The following TADA2A variants were observed in gnomAD, a reference collection of about 807,000 sequenced individuals.
The protein encoded by TADA2A is transcriptional adaptor 2A, also known as transcriptional adapter 2-alpha.
A neutral mutation model predicts 67.4 loss-of-function variants in TADA2A; 38 were observed. The observed-to-expected ratio is 0.56, with a 90% confidence interval of 0.44 to 0.74. TADA2A has a LOEUF of 0.74. Among genes scored for constraint, TADA2A ranks in the 30% least tolerant of loss-of-function variants. The pLI is 0.00. For synonymous variants in TADA2A, 192 were observed against 181.6 expected, an observed-to-expected ratio of 1.06 and a Z score of -0.46; for missense variants, 454 against 547.0, an observed-to-expected ratio of 0.83 and a Z score of 1.70.
rs1323417503 is a variant in TADA2A, at chr17:37,427,156, C to T, written c.192+147C>T. ...TCTGAGTATCTTTACCTTTTCTCCC[C>T]TTCGGAAATAGGTAATTGTTATCCA... On this transcript the variant is annotated intron_variant, in intron 4 of 15. Coordinates refer to ENST00000615182, the MANE Select transcript of TADA2A (RefSeq NM_001166105.3). 5.2e-6 allele frequency: 3 copies of T among 578,340 alleles called. No individual in the cohort carries two copies. The African/African-American group carries it at 5.9e-5, about 11-fold the overall frequency. 35.8% of individuals were successfully genotyped at this position (578,340 alleles called of 1,614,324 possible).
chr17:37,429,675 G>A (rs2052514954), intron 4 of TADA2A, among the ~76,000 whole-genome samples: 1 of 152,142 alleles, frequency 6.6e-6, no homozygotes, highest in Admixed American at 6.5e-5. Flanking sequence ...GCATCTCTGA[G>A]CCTGACTATT....
rs1231349752 is a variant in TADA2A, at chr17:37,479,263, G to A, written c.*2281G>A. 6.6e-6 allele frequency: 1 copy of A among 152,304 alleles called. No homozygotes were observed. The highest frequency in any genetic ancestry group is 1.5e-5 in the Non-Finnish European group (1 of 68,052). 9.4% of individuals were successfully genotyped at this position (152,304 alleles called of 1,614,324 possible). A position where few individuals can be genotyped will look rare whatever the true frequency, so the allele number is the denominator to read the frequency against. On this transcript the variant is annotated 3_prime_UTR_variant, in exon 16 of 16. Transcript: ENST00000615182. ...ACAATGGTGCCAAGAGATTTATTTGGCTAGAACACAAGGGGCAGCTGGGTA... is the reference window on the plus strand; with the variant it reads ...ACAATGGTGCCAAGAGATTTATTTGACTAGAACACAAGGGGCAGCTGGGTA...
rs990401514 is a variant in TADA2A, at chr17:37,421,459, A to G, written c.26-2050A>G. Among the ~76,000 whole-genome samples the G allele has an allele frequency of 8.2e-5, 12 of 146,914 alleles. 3 individuals carry two copies. The highest frequency in any genetic ancestry group is 1.7e-4 in the Non-Finnish European group (11 of 65,800). Reference sequence around the variant, plus strand: ...CAAATATAAAATAGTATATTCCAAAATATGTATTTAGAAGAGACATGTATT... The same window carrying G: ...CAAATATAAAATAGTATATTCCAAAGTATGTATTTAGAAGAGACATGTATT... On this transcript the variant is annotated intron_variant, in intron 2 of 15. Coordinates refer to ENST00000615182, the MANE Select transcript of TADA2A (RefSeq NM_001166105.3).
intron 5 of TADA2A, 21 bp downstream of exon 5, chr17:37,437,850 GT>G (rs1180559721): frequency 2.9e-5 from 47 of 1,607,036 alleles, no homozygotes; most frequent in Non-Finnish European, 3.9e-5. Flanking sequence ...GGTGTTAAGA[GT>G]TGTCCTGCCC....
chr17:37,467,502 C>A lies in TADA2A; in HGVS notation c.872C>A (p.Thr291Lys). The A allele has an allele frequency of 6.2e-7, 1 of 1,613,910 alleles. No individual in the cohort carries two copies. The highest frequency in any genetic ancestry group is 8.5e-7 in the Non-Finnish European group (1 of 1,179,922). The change falls in exon 12 of 16, where the codon ACA (threonine) becomes AAA (lysine). Residue 291 changes from threonine (T) to lysine (K), a missense_variant. By Grantham distance (78) the Thr-to-Lys change is moderately conservative (BLOSUM62 -1). This residue lies in a region of TADA2A where 403 missense variants were observed against 455.5 expected (regional missense o/e 0.88). Transcript: ENST00000615182. The stretch of plus-strand genomic sequence containing the variant: ...ATCAAGAGGCTCCAAGAATACAGGA[C>A]AGCAGGCATTACCAATTTTTGTAGT... Reference protein sequence around the residue: ...REIKRLQEYRTAGITNFCSAR... With the variant: ...REIKRLQEYRKAGITNFCSAR...
chr17:37,420,353 G>T lies in TADA2A; in HGVS notation c.26-3156G>T, dbSNP rs1459270673. Among the ~76,000 whole-genome samples, 3 of 145,332 alleles carry T rather than the reference G, an allele frequency of 2.1e-5. 1 individual carries two copies. The highest frequency in any genetic ancestry group is 4.6e-5 in the Non-Finnish European group (3 of 65,420). On this transcript the variant is annotated intron_variant, in intron 2 of 15. Transcript: ENST00000615182. ...TTCATATATTGAATTTGAAGCTACTGCCAGGAGTACATTTTTTTCTTTCAT... is the reference window on the plus strand; with the variant it reads ...TTCATATATTGAATTTGAAGCTACTTCCAGGAGTACATTTTTTTCTTTCAT...
intron 9 of TADA2A, among the ~76,000 whole-genome samples, chr17:37,460,681 G>A (rs193217179): frequency 2.6e-5 from 4 of 152,340 alleles, no homozygotes; most frequent in African/African-American, 9.6e-5. Context: ...ATATCAAAAA[G>A]TATACATTCA....
chr17:37,443,363 C>G (rs550965086), intron 7 of TADA2A, among the ~76,000 whole-genome samples: 3 of 151,958 alleles, frequency 2.0e-5, no homozygotes, highest in Non-Finnish European at 4.4e-5. Flanking sequence ...AAGCGATTCT[C>G]CTGTCTCAGC....
intron 10 of TADA2A, among the ~76,000 whole-genome samples, chr17:37,464,613 G>A (rs187793818): frequency 6.6e-6 from 1 of 151,876 alleles, no homozygotes; most frequent in East Asian, 1.9e-4. Flanking sequence ...GCCGAGGCGA[G>A]CAGATTGCCT....
chr17:37,429,283 T>C (rs2052503286), intron 4 of TADA2A, among the ~76,000 whole-genome samples: 1 of 152,060 alleles, frequency 6.6e-6, no homozygotes, highest in Non-Finnish European at 1.5e-5. Context: ...ATTGGGCCTA[T>C]CAGGGTAATC....
chr17:37,459,526 A>G (rs940292417), intron 9 of TADA2A, among the ~76,000 whole-genome samples: 1 of 150,378 alleles, frequency 6.6e-6, no homozygotes, highest in Non-Finnish European at 1.5e-5. Context: ...TAAGTGATCC[A>G]TCCCCCTCTG....
chr17:37,444,086 C>T (rs853201), intron 7 of TADA2A, among the ~76,000 whole-genome samples: 5 of 151,060 alleles, frequency 3.3e-5, no homozygotes, highest in African/African-American at 1.2e-4. Context: ...ACAACAACAA[C>T]AAAAAAAACC....
intron 14 of TADA2A, among the ~76,000 whole-genome samples, chr17:37,473,589 C>A (rs977518575): frequency 2.0e-5 from 3 of 152,166 alleles, no homozygotes; most frequent in African/African-American, 7.2e-5. Context: ...TATAAAACTT[C>A]GACATTTTCT....
chr17:37,414,942 G>C (rs1349163084), intron 2 of TADA2A, among the ~76,000 whole-genome samples: 2 of 149,660 alleles, frequency 1.3e-5, no homozygotes, highest in East Asian at 2.0e-4. Flanking sequence ...ACTCAGGCTA[G>C]AGTGCAGTGC....
intron 1 of TADA2A, chr17:37,408,309 ACAGCGCGTTCT>A (rs1409560678): frequency 1.3e-5 from 2 of 152,300 alleles, no homozygotes; most frequent in African/African-American, 4.8e-5. Context: ...CCAGAGTGCA[ACAGCGCGTTCT>A]CAGCCCACCG....
intron 8 of TADA2A, among the ~76,000 whole-genome samples, chr17:37,448,699 C>T (rs889124811): frequency 2.0e-5 from 3 of 152,106 alleles, no homozygotes; most frequent in East Asian, 1.9e-4. Context: ...GTCATTGTTG[C>T]CCCATAACCC....
At chr17:37,454,821 C>CA in intron 8 of TADA2A, 4 of 238,978 alleles carry the variant, frequency 1.7e-5, no homozygotes, top group East Asian at 1.1e-4. Flanking sequence ...GCTAAGGAAG[C>CA]AAAAAAGGCT....
chr17:37,422,481 GATTATTATTATTATTATTATT>G (rs60163170), intron 2 of TADA2A, among the ~76,000 whole-genome samples: 2 of 136,988 alleles, frequency 1.5e-5, no homozygotes, highest in Admixed American at 7.6e-5. Flanking sequence ...ATGCCCAGCT[GATTATTATTATTATTATTATT>G]ATTATTATTA....
intron 4 of TADA2A, among the ~76,000 whole-genome samples, chr17:37,433,013 T>G (rs2052618366): frequency 6.7e-6 from 1 of 150,030 alleles, no homozygotes; most frequent in African/African-American, 2.4e-5. Context: ...ATTTTCCAAT[T>G]GGTTGCCTTT....
Sources: gnomAD v4.1 joint callset for allele counts (sites outside exome capture counted in the v4.1 genomes callset) on GRCh38, gnomAD v4.1.1 for gene constraint, gnomAD v4.1.1 regional missense constraint, MANE v1.5 for transcripts, NCBI Gene and HGNC (gene_info 2026-07-23, HGNC 2026-07-21) for gene names.